The following CSGALNACT1 variants were observed in gnomAD, a reference collection of about 807,000 sequenced individuals.
The protein encoded by CSGALNACT1 is beta4GalNAcT-1.
Under a neutral mutation model 51.0 loss-of-function variants are expected in CSGALNACT1, and 52 were observed. The ratio of observed to expected loss-of-function variants is 1.02; its 90% CI spans 0.82 to 1.29. The LOEUF (loss-of-function observed/expected upper bound fraction) is 1.29. CSGALNACT1 is among the 50% of genes most tolerant of loss of function. CSGALNACT1 has a pLI of 0.00. For missense variants in CSGALNACT1, 935 were observed against 679.2 expected (o/e 1.38, Z -4.19); for synonymous variants, 341 against 254.4 (o/e 1.34, Z -3.24).
intron 1 of CSGALNACT1, among the ~76,000 whole-genome samples, chr8:19,612,053 T>A (rs947572468): frequency 1.3e-5 from 2 of 152,050 alleles, no homozygotes; most frequent in Non-Finnish European, 2.9e-5. Context: ...GATTAAAAAT[T>A]CTCCATGAGA....
At chr8:19,740,432 G>A (rs980898225) in intron 1 of CSGALNACT1, among the ~76,000 whole-genome samples, 1 of 152,320 alleles carries the variant, frequency 6.6e-6, no homozygotes, top group Middle Eastern at 3.4e-3. Flanking sequence ...AGGATGAAAG[G>A]ACAGTGACGG....
chr8:19,530,673 G>A (rs2082596200), intron 3 of CSGALNACT1, among the ~76,000 whole-genome samples: 1 of 152,154 alleles, frequency 6.6e-6, no homozygotes, highest in Non-Finnish European at 1.5e-5. Context: ...CGGGGCTATA[G>A]CGAGCTATGA....
chr8:19,405,253 A>T, exon 10 of CSGALNACT1: 1 of 453,520 alleles, frequency 2.2e-6, no homozygotes, highest in South Asian at 1.6e-5. Flanking sequence ...CACGATATTT[A>T]TGGTTTCTTT....
At chr8:19,729,736 C>G in intron 1 of CSGALNACT1, among the ~76,000 whole-genome samples, 1 of 152,148 alleles carries the variant, frequency 6.6e-6, no homozygotes. Context: ...CAAGAATGCC[C>G]TTCCCCCTCA....
At chr8:19,565,148 T>C (rs2041640133) in intron 3 of CSGALNACT1, among the ~76,000 whole-genome samples, 1 of 152,236 alleles carries the variant, frequency 6.6e-6, no homozygotes, top group African/African-American at 2.4e-5. Flanking sequence ...AGATTATGTA[T>C]CACTTTACAG....
intron 4 of CSGALNACT1, among the ~76,000 whole-genome samples, chr8:19,465,968 G>C (rs1409554628): frequency 6.6e-6 from 1 of 152,114 alleles, no homozygotes; most frequent in African/African-American, 2.4e-5. Flanking sequence ...GAATAAACAA[G>C]GTAAAGTCTG....
chr8:19,514,518 T>G (rs1282313887), intron 3 of CSGALNACT1, among the ~76,000 whole-genome samples: 5 of 141,722 alleles, frequency 3.5e-5, no homozygotes, highest in African/African-American at 1.1e-4. Context: ...TATACATGTA[T>G]CTATTTAAAA....
At chr8:19,677,723 T>G (rs2060299246) in intron 1 of CSGALNACT1, among the ~76,000 whole-genome samples, 1 of 152,102 alleles carries the variant, frequency 6.6e-6, no homozygotes, top group African/African-American at 2.4e-5. Context: ...GGTCACCAGC[T>G]GATATTAAGG....
chr8:19,635,523 G>A (rs2055921945), intron 1 of CSGALNACT1, among the ~76,000 whole-genome samples: 1 of 152,152 alleles, frequency 6.6e-6, no homozygotes, highest in African/African-American at 2.4e-5. Flanking sequence ...CTGCTTCTGT[G>A]TCCAACTTCC....
At chr8:19,562,423 A>C (rs891702664) in intron 3 of CSGALNACT1, among the ~76,000 whole-genome samples, 2 of 152,150 alleles carry the variant, frequency 1.3e-5, no homozygotes, top group Non-Finnish European at 2.9e-5. Context: ...AAAAATGTCA[A>C]AAGCAATTTC....
Position 19,414,746 on chromosome 8 carries a change from G to T in CSGALNACT1, c.1227+3910C>A, listed in dbSNP as rs971506374. Among the ~76,000 whole-genome samples, 7 of 152,172 alleles carry T rather than the reference G, an allele frequency of 4.6e-5. No individual in the cohort carries two copies. In the East Asian group the frequency reaches 9.6e-4, roughly 21 times the overall value. ...ATTTCAAAGGCTGCTAGTAAAGATT[G>T]TCTTTTGTTTGCAAAACTAACTTTC... On this transcript the variant is annotated intron_variant, in intron 8 of 9. Transcript: ENST00000454498.
At chr8:19,648,223 C>G (rs1206802836) in intron 1 of CSGALNACT1, among the ~76,000 whole-genome samples, 1 of 152,140 alleles carries the variant, frequency 6.6e-6, no homozygotes, top group African/African-American at 2.4e-5. Context: ...TCAATCTGTT[C>G]CAAAGAATCT....
intron 2 of CSGALNACT1, among the ~76,000 whole-genome samples, chr8:19,599,067 G>C (rs1459767715): frequency 6.6e-6 from 1 of 152,024 alleles, no homozygotes; most frequent in Non-Finnish European, 1.5e-5. Context: ...TGACAGCTGG[G>C]GAGGAGTGAG....
At chr8:19,724,073 T>C (rs2063268451) in intron 1 of CSGALNACT1, among the ~76,000 whole-genome samples, 1 of 152,172 alleles carries the variant, frequency 6.6e-6, no homozygotes, top group Non-Finnish European at 1.5e-5. Flanking sequence ...AAAATCTCCA[T>C]GCTGATTTTC....
chr8:19,637,574 A>T (rs2056238688), intron 1 of CSGALNACT1, among the ~76,000 whole-genome samples: 1 of 152,234 alleles, frequency 6.6e-6, no homozygotes, highest in Non-Finnish European at 1.5e-5. Context: ...CATGCATACA[A>T]GGGAAAGTAA....
At chr8:19,750,014 C>G (rs2154253133) in intron 1 of CSGALNACT1, among the ~76,000 whole-genome samples, 1 of 152,232 alleles carries the variant, frequency 6.6e-6, no homozygotes, top group African/African-American at 2.4e-5. Context: ...AGCCTCTGAC[C>G]CAGCCTTGGA....
At position 19,618,385 on chromosome 8, in the gene CSGALNACT1, A is replaced by T. The variant is rs140235460; in HGVS notation, c.-543-16520T>A. ...GCAGGGCCCAGTGGCTCATACCTGT[A>T]ATCCCACAATTTTGGGAGGCTGAGG... On this transcript the variant is annotated intron_variant, in intron 1 of 9. Coordinates refer to the CSGALNACT1 transcript ENST00000332246. Among the ~76,000 whole-genome samples the T allele has an allele frequency of 7.7e-3, 1,177 of 152,126 alleles. 17 individuals are homozygous for T. Among genetic ancestry groups the T allele is most frequent in the African/African-American group, 0.027 (1,109 of 41,476 alleles).
At position 19,728,305 on chromosome 8, in the gene CSGALNACT1, A is replaced by ACAATT. The variant is rs2063511068; in HGVS notation, c.-297+29540_-297+29544dup. On this transcript the variant is annotated intron_variant, in intron 1 of 1. Transcript: ENST00000517494. ...CTCATTTTTCCACAGCCACGGTTTA[A>ACAATT]CAATTTTTATGGAAAAAATTAACAC... Among the ~76,000 whole-genome samples, 7 of 152,350 alleles carry ACAATT rather than the reference A, an allele frequency of 4.6e-5. 1 individual carries two copies. The highest frequency in any genetic ancestry group is 1.7e-4 in the African/African-American group (7 of 41,586).
intron 1 of CSGALNACT1, among the ~76,000 whole-genome samples, chr8:19,651,335 A>C (rs2057784140): frequency 6.6e-6 from 1 of 152,128 alleles, no homozygotes; most frequent in Non-Finnish European, 1.5e-5. Context: ...AGCCTGTTGC[A>C]GACATTCTGT....
Sources: allele counts gnomAD v4.1 joint callset (sites outside exome capture counted in the v4.1 genomes callset), GRCh38; gene constraint gnomAD v4.1.1; transcripts MANE v1.5; gene names NCBI Gene and HGNC (gene_info 2026-07-23, HGNC 2026-07-21).